MARK1: variants seen among roughly 807,000 people sequenced by gnomAD.
MARK1 encodes microtubule affinity regulating kinase 1, also known as serine/threonine-protein kinase MARK1.
In MARK1, 40 loss-of-function variants were observed where a neutral mutation model predicts 96.3. The observed-to-expected ratio is 0.42, with a 90% CI of 0.32 to 0.54. The LOEUF is 0.54. Among genes scored for constraint, MARK1 ranks in the 20% least tolerant of loss-of-function variants. The probability of loss-of-function intolerance (pLI) is 0.16; values close to 1 mark genes in which losing one functional copy is unlikely to be tolerated. For synonymous variants in MARK1, 317 were observed against 341.2 expected (o/e 0.93, Z 0.78); for missense variants, 719 against 984.6 (o/e 0.73, Z 3.61).
At chr1:220,602,615 G>A (rs1057090768) in intron 5 of MARK1, among the ~76,000 whole-genome samples, 1 of 151,988 alleles carries the variant, frequency 6.6e-6, no homozygotes, top group African/African-American at 2.4e-5. Context: ...GCTATGATGG[G>A]TTAACTAGAA....
chr1:220,584,176 C>T (rs1437124737), intron 3 of MARK1, among the ~76,000 whole-genome samples: 1 of 152,074 alleles, frequency 6.6e-6, no homozygotes, highest in South Asian at 2.1e-4. Flanking sequence ...TTTATCTCTG[C>T]TAACATTTTT....
At chr1:220,540,470 T>C (rs1661058201) in intron 1 of MARK1, among the ~76,000 whole-genome samples, 1 of 152,226 alleles carries the variant, frequency 6.6e-6, no homozygotes, top group Non-Finnish European at 1.5e-5. Context: ...TAACCTCTTC[T>C]GGAAAAACTC....
rs556486526 is a variant in MARK1 at position 220,532,053 on chromosome 1, T to C, written c.51+3180T>C. Among the ~76,000 whole-genome samples, 12 of 152,296 alleles carry C rather than the reference T, an allele frequency of 7.9e-5. 1 individual carries two copies. In the South Asian group the frequency reaches 2.5e-3, roughly 32 times the overall value. ...AAACTCCGATTATGCTAATTATTAA[T>C]GGGTCAAAAATGCTCAGCCTAGCTT... On this transcript the variant is annotated intron_variant, in intron 1 of 17. Coordinates refer to ENST00000366917, the MANE Select transcript of MARK1 (RefSeq NM_018650.5).
At chr1:220,550,136 G>A (rs1262690698) in intron 1 of MARK1, among the ~76,000 whole-genome samples, 2 of 152,158 alleles carry the variant, frequency 1.3e-5, no homozygotes, top group East Asian at 1.9e-4. Flanking sequence ...ACATGCTAAT[G>A]GAATCTCTCT....
At chr1:220,580,431 G>A (rs1664155592) in intron 2 of MARK1, among the ~76,000 whole-genome samples, 1 of 151,816 alleles carries the variant, frequency 6.6e-6, no homozygotes, top group East Asian at 1.9e-4. Flanking sequence ...AACTGTGGTA[G>A]CACCACTGCA....
Position 220,635,694 on chromosome 1 carries a change from T to G in MARK1, c.1277-139T>G. On this transcript the variant is annotated intron_variant, in intron 12 of 17. Coordinates refer to ENST00000366917, the MANE Select transcript of MARK1 (RefSeq NM_018650.5). ...TCCCTTTTGCAGGGACTGACCTGAT[T>G]TTTGAAATCAAAATTTAATCTTCGT... 2 of 1,141,240 alleles carry G rather than the reference T, an allele frequency of 1.8e-6. 1 individual carries two copies. The highest frequency in any genetic ancestry group is 2.4e-6 in the Non-Finnish European group (2 of 820,990). 70.7% of individuals were successfully genotyped at this position (1,141,240 alleles called of 1,614,324 possible).
rs1380673760 is a variant in MARK1 at position 220,632,245 on chromosome 1, G to A, written c.1054G>A (p.Ala352Thr). The A allele has an allele frequency of 3.2e-6, 5 of 1,558,612 alleles. No homozygotes were observed. Among genetic ancestry groups the A allele is most frequent in the Non-Finnish European group, 4.3e-6 (5 of 1,153,350 alleles). Residue 352 changes from alanine (A) to threonine (T), a missense_variant, in exon 11 of 18, where the codon GCC becomes ACC. Ala to Thr is a moderately conservative substitution (Grantham distance 58). This residue lies in a region of MARK1 where 501 missense variants were observed against 588.3 expected (regional missense o/e 0.85). Coordinates refer to ENST00000366917, the MANE Select transcript of MARK1 (RefSeq NM_018650.5). The part of the protein sequence containing the change: ...MGFARDEIND[A>T]LINQKYDEVM... Reference sequence around the variant, plus strand: ...CTTTGCACGAGATGAAATAAATGATGCCTTAATAAATCAGAAGTATGATGA... The same window carrying A: ...CTTTGCACGAGATGAAATAAATGATACCTTAATAAATCAGAAGTATGATGA...
At chr1:220,533,064 A>G (rs1280886477) in intron 1 of MARK1, among the ~76,000 whole-genome samples, 1 of 152,022 alleles carries the variant, frequency 6.6e-6, no homozygotes, top group Non-Finnish European at 1.5e-5. Context: ...AAGATACTTT[A>G]TTAGAGGAAG....
intron 13 of MARK1, among the ~76,000 whole-genome samples, chr1:220,636,462 G>A (rs1475927199): frequency 2.0e-5 from 3 of 151,830 alleles, no homozygotes; most frequent in Admixed American, 6.6e-5. Flanking sequence ...TAAGGCAGCA[G>A]GAAAGAATAG....
chr1:220,602,441 T>C (rs1033839514), intron 5 of MARK1, among the ~76,000 whole-genome samples: 1 of 152,084 alleles, frequency 6.6e-6, no homozygotes, highest in African/African-American at 2.4e-5. Flanking sequence ...TACATTCTAG[T>C]TGGGGAAGTA....
At chr1:220,644,084 G>A (rs1668440298) in intron 13 of MARK1, among the ~76,000 whole-genome samples, 1 of 152,156 alleles carries the variant, frequency 6.6e-6, no homozygotes, top group African/African-American at 2.4e-5. Context: ...AACCTTAAAT[G>A]TAAATGAGCT....
intron 1 of MARK1, among the ~76,000 whole-genome samples, chr1:220,530,972 A>G (rs142488127): frequency 6.6e-6 from 1 of 152,300 alleles, no homozygotes; most frequent in Non-Finnish European, 1.5e-5. Context: ...GGAAGGGGAT[A>G]TAGAAGTAGT....
chr1:220,531,675 G>T (rs1023944299), intron 1 of MARK1, among the ~76,000 whole-genome samples: 7 of 152,072 alleles, frequency 4.6e-5, no homozygotes, highest in Non-Finnish European at 1.0e-4. Context: ...TTTTCTCTAA[G>T]AACAGTCTAT....
chr1:220,584,196 G>A (rs1302706814), intron 3 of MARK1, among the ~76,000 whole-genome samples: 1 of 152,072 alleles, frequency 6.6e-6, no homozygotes, highest in Admixed American at 6.5e-5. Flanking sequence ...TGTATCTTCT[G>A]TGTATTACTT....
At position 220,654,292 on chromosome 1, in the gene MARK1, A is replaced by G. The variant is rs2103062168; in HGVS notation, c.1988+940A>G. Among the ~76,000 whole-genome samples, 1 of 152,340 alleles carries G rather than the reference A, an allele frequency of 6.6e-6. No individual in the cohort carries two copies. The highest frequency in any genetic ancestry group is 6.5e-5 in the Admixed American group (1 of 15,306). On this transcript the variant is annotated intron_variant, in intron 16 of 17. Coordinates refer to ENST00000366917, the MANE Select transcript of MARK1 (RefSeq NM_018650.5). The surrounding 1 kb of genome is among the most constrained non-coding windows in gnomAD (Gnocchi z 4.0). ...AGCCTTCAATGATGGGTAAGAAATA[A>G]TTATACTTGCTTTAAGAAATACTAA... is the stretch of plus-strand genomic sequence containing the variant.
chr1:220,647,942 C>G (rs1279941844), intron 13 of MARK1, among the ~76,000 whole-genome samples: 1 of 151,872 alleles, frequency 6.6e-6, no homozygotes, highest in Admixed American at 6.6e-5. Context: ...CTATTGCATG[C>G]TGGGCTTAAT....
At chr1:220,593,027 ATG>A (rs1466920400) in intron 3 of MARK1, among the ~76,000 whole-genome samples, 1 of 152,356 alleles carries the variant, frequency 6.6e-6, no homozygotes, top group Admixed American at 6.5e-5. Context: ...GATATTCTAT[ATG>A]AGTGTAGGAG....
At chr1:220,605,290 T>C (rs894030305) in intron 6 of MARK1, among the ~76,000 whole-genome samples, 1 of 152,184 alleles carries the variant, frequency 6.6e-6, no homozygotes, top group Non-Finnish European at 1.5e-5. Context: ...ATAGCACTTT[T>C]ATTTGTGATA....
chr1:220,651,846 A>G, intron 14 of MARK1, 140 bp from the exon 15 acceptor site: 1 of 524,228 alleles, frequency 1.9e-6, no homozygotes, highest in Non-Finnish European at 3.3e-6. Flanking sequence ...TAATGCCACT[A>G]ATGTTAGTTT....
Sources: gnomAD v4.1 joint callset for allele counts (sites outside exome capture counted in the v4.1 genomes callset) on GRCh38, gnomAD v4.1.1 for gene constraint, gnomAD v4.1.1 regional missense constraint, Gnocchi (gnomAD v3.1) non-coding constraint, MANE v1.5 for transcripts, NCBI Gene and HGNC (gene_info 2026-07-23, HGNC 2026-07-21) for gene names.